The following TNFRSF9 variants were observed in gnomAD, a reference collection of about 807,000 sequenced individuals.
TNFRSF9 encodes tumor necrosis factor receptor superfamily member 9.
A neutral mutation model predicts 28.8 loss-of-function variants in TNFRSF9; 16 were observed. That is an observed-to-expected ratio of 0.55 (90% CI 0.38 to 0.84). The LOEUF (loss-of-function observed/expected upper bound fraction) is 0.84. TNFRSF9 is among the 40% of genes least tolerant of loss of function. TNFRSF9 has a pLI of 0.00. For synonymous variants in TNFRSF9, 131 were observed against 117.0 expected, an observed-to-expected ratio of 1.12 and a Z score of -0.77; for missense variants, 303 against 315.0, an observed-to-expected ratio of 0.96 and a Z score of 0.29.
At chr1:7,924,218 A>G (rs968782455) in intron 7 of TNFRSF9, among the ~76,000 whole-genome samples, 6 of 150,818 alleles carry the variant, frequency 4.0e-5, no homozygotes, top group African/African-American at 1.2e-4. Flanking sequence ...ATCCTTGACA[A>G]TGACAATAAA....
Position 7,933,254 on chromosome 1 carries a change from G to C in TNFRSF9, c.587C>G (p.Ser196Trp). 6.2e-7 allele frequency: 1 copy of C among 1,613,856 alleles called. No homozygotes were observed. Among genetic ancestry groups the C allele is most frequent in the South Asian group, 1.1e-5 (1 of 91,064 alleles). The stretch of plus-strand genomic sequence containing the variant: ...GAACAGCAGGAAGAGCAACGCAGTC[G>C]ACGTCAGCGCAAGAAAGAAGGAGAT... ...QIISFFLALT[S>W]TALLFLLFFL... Residue 196 changes from serine (S) to tryptophan (W), a missense_variant, in exon 7 of 8, where the codon TCG becomes TGG. Ser to Trp is a radical substitution (Grantham distance 177). Coordinates refer to ENST00000377507, the MANE Select transcript of TNFRSF9 (RefSeq NM_001561.6).
chr1:7,933,150 T>C lies in TNFRSF9; in HGVS notation c.679+12A>G. On this transcript the variant is annotated intron_variant, in intron 7 of 7. Transcript: ENST00000377507. ...CCTTGCCAGAGCTGTAATATGATTA[T>C]GTTAATCTTACGTTGTTTGAATATA... 2 of 1,600,274 alleles carry C rather than the reference T, an allele frequency of 1.2e-6. No homozygotes were observed. Among genetic ancestry groups the C allele is most frequent in the Non-Finnish European group, 1.7e-6 (2 of 1,174,024 alleles).
chr1:7,939,594 C>G (rs1639872695), intron 2 of TNFRSF9, among the ~76,000 whole-genome samples: 1 of 152,176 alleles, frequency 6.6e-6, no homozygotes, highest in South Asian at 2.1e-4. Context: ...ACACACAAAA[C>G]TAACATTTAT....
chr1:7,939,746 C>T, intron 2 of TNFRSF9, 149 bp downstream of exon 2: 1 of 565,082 alleles, frequency 1.8e-6, no homozygotes, highest in Non-Finnish European at 3.1e-6. Context: ...GTTCACACAG[C>T]TAGGTTGTAG....
At chr1:7,932,047 G>T (rs962486391) in intron 7 of TNFRSF9, among the ~76,000 whole-genome samples, 12 of 152,266 alleles carry the variant, frequency 7.9e-5, no homozygotes, top group Middle Eastern at 3.4e-3. Context: ...TGAGGCAGGA[G>T]AATCGCTTGA....
intron 7 of TNFRSF9, among the ~76,000 whole-genome samples, chr1:7,925,543 C>T (rs1639639258): frequency 6.6e-6 from 1 of 152,104 alleles, no homozygotes; most frequent in African/African-American, 2.4e-5. Flanking sequence ...GATTCAAGCA[C>T]ATTACATTTA....
intron 5 of TNFRSF9, among the ~76,000 whole-genome samples, chr1:7,937,455 G>A (rs1204889123): frequency 6.6e-6 from 1 of 152,146 alleles, no homozygotes; most frequent in Non-Finnish European, 1.5e-5. Context: ...CACTGCACGT[G>A]CCCAGCCTCC....
intron 7 of TNFRSF9, among the ~76,000 whole-genome samples, chr1:7,929,286 C>T (rs548866911): frequency 1.3e-5 from 2 of 151,544 alleles, no homozygotes; most frequent in African/African-American, 4.8e-5. Context: ...GTGCCTCAGC[C>T]TCCCAAGTAT....
intron 6 of TNFRSF9, among the ~76,000 whole-genome samples, chr1:7,934,429 G>T (rs1393390645): frequency 6.6e-6 from 1 of 151,428 alleles, no homozygotes; most frequent in African/African-American, 2.4e-5. Context: ...ATGGGACCCT[G>T]GACGGGCGTG....
intron 7 of TNFRSF9, among the ~76,000 whole-genome samples, chr1:7,929,505 T>A (rs1346103708): frequency 1.3e-5 from 2 of 152,032 alleles, no homozygotes; most frequent in African/African-American, 4.8e-5. Context: ...CACCTTTACA[T>A]CCCTGAATAC....
At chr1:7,929,564 T>C (rs1402202225) in intron 7 of TNFRSF9, among the ~76,000 whole-genome samples, 1 of 152,150 alleles carries the variant, frequency 6.6e-6, no homozygotes, top group African/African-American at 2.4e-5. Flanking sequence ...ATATAATCTT[T>C]TAGAGAGGCT....
intron 5 of TNFRSF9, among the ~76,000 whole-genome samples, chr1:7,937,419 A>G (rs899278169): frequency 6.6e-6 from 1 of 152,104 alleles, no homozygotes; most frequent in Non-Finnish European, 1.5e-5. Flanking sequence ...TCAGCCTCCC[A>G]AAGTGCTGGG....
chr1:7,930,198 C>A (rs774875189), intron 7 of TNFRSF9, among the ~76,000 whole-genome samples: 6 of 152,022 alleles, frequency 3.9e-5, no homozygotes, highest in Middle Eastern at 3.4e-3. Context: ...GAACTCCTAA[C>A]CTCAGGTGAT....
At chr1:7,940,444 G>A (rs774089105) in intron 1 of TNFRSF9, among the ~76,000 whole-genome samples, 5 of 152,202 alleles carry the variant, frequency 3.3e-5, no homozygotes, top group Non-Finnish European at 7.3e-5. Context: ...AAGAGAATCT[G>A]TCAGGGGCAT....
chr1:7,929,125 A>T (rs1639695214), intron 7 of TNFRSF9, among the ~76,000 whole-genome samples: 1 of 150,288 alleles, frequency 6.7e-6, no homozygotes, highest in South Asian at 2.1e-4. Context: ...TAACTTACAT[A>T]ACCCTCCTCA....
At position 7,937,898 on chromosome 1, in the gene TNFRSF9, A is replaced by G; in HGVS notation, c.347-142T>C. Reference sequence around the variant, plus strand: ...ATAATTCTTGAAACAACACCCTAAGATGGCTAGTTTTTATTTTAATTGTAC... The same window carrying G: ...ATAATTCTTGAAACAACACCCTAAGGTGGCTAGTTTTTATTTTAATTGTAC... On this transcript the variant is annotated intron_variant, in intron 4 of 7. Transcript: ENST00000377507. 5 of 723,986 alleles carry G rather than the reference A, an allele frequency of 6.9e-6. 1 individual carries two copies. In the Admixed American group the frequency reaches 1.4e-4, roughly 20 times the overall value. 44.8% of individuals were successfully genotyped at this position (723,986 alleles called of 1,614,324 possible). A position where few individuals can be genotyped will look rare whatever the true frequency, so the allele number is the denominator to read the frequency against.
chr1:7,940,484 A>G (rs1335852222), intron 1 of TNFRSF9, among the ~76,000 whole-genome samples: 2 of 152,176 alleles, frequency 1.3e-5, no homozygotes, highest in East Asian at 1.9e-4. Flanking sequence ...AGAAGCTATC[A>G]CATAATCACT....
chr1:7,917,924 A>C lies in TNFRSF9; in HGVS notation c.*2911T>G, dbSNP rs1262791114. On this transcript the variant is annotated 3_prime_UTR_variant, in exon 8 of 8. Coordinates refer to ENST00000377507, the MANE Select transcript of TNFRSF9 (RefSeq NM_001561.6). ...AAAAATAAAAAAGAATTTTATAAAA[A>C]ATTTTAAAAAGGGAAAAATAAATTA... is the stretch of plus-strand genomic sequence containing the variant. The C allele has an allele frequency of 6.7e-6, 1 of 149,896 alleles. No individual in the cohort carries two copies. The highest frequency in any genetic ancestry group is 1.5e-5 in the Non-Finnish European group (1 of 67,754). 9.3% of individuals were successfully genotyped at this position (149,896 alleles called of 1,614,324 possible).
At chr1:7,935,266 C>G in intron 5 of TNFRSF9, 123 bp from the exon 6 acceptor site, 1 of 1,085,804 alleles carries the variant, frequency 9.2e-7, no homozygotes, top group Non-Finnish European at 1.3e-6. Flanking sequence ...GGTCTGGGTT[C>G]GAAAGCGATG....
Sources: allele counts gnomAD v4.1 joint callset (sites outside exome capture counted in the v4.1 genomes callset), GRCh38; gene constraint gnomAD v4.1.1; transcripts MANE v1.5; gene names NCBI Gene and HGNC (gene_info 2026-07-23, HGNC 2026-07-21).